Variants in TMEM87A observed in about 807,000 individuals in gnomAD.
TMEM87A encodes Golgi-pH regulating cation channel.
Under a neutral mutation model 90.0 loss-of-function variants are expected in TMEM87A, and 50 were observed. The ratio of observed to expected loss-of-function variants is 0.56; its 90% confidence interval spans 0.44 to 0.70. The LOEUF (loss-of-function observed/expected upper bound fraction) is 0.70. TMEM87A is among the 30% of genes least tolerant of loss of function. The pLI is 0.00. For synonymous variants in TMEM87A, 226 were observed against 226.7 expected (o/e 1.00, Z 0.03); for missense variants, 577 against 660.5 (o/e 0.87, Z 1.39).
intron 15 of TMEM87A, among the ~76,000 whole-genome samples, chr15:42,224,137 A>T (rs2050546672): frequency 6.6e-6 from 1 of 152,182 alleles, no homozygotes; most frequent in African/African-American, 2.4e-5. Flanking sequence ...GTGTAACAGT[A>T]TGGTTTATGA....
chr15:42,239,748 C>G lies in TMEM87A; in HGVS notation c.623-17G>C. 1 of 1,609,316 alleles carries G rather than the reference C, an allele frequency of 6.2e-7. No individual in the cohort carries two copies. Among genetic ancestry groups the G allele is most frequent in the South Asian group, 1.1e-5 (1 of 90,954 alleles). On this transcript the variant is annotated splice_polypyrimidine_tract_variant and intron_variant, in intron 7 of 19. Coordinates refer to ENST00000389834, the MANE Select transcript of TMEM87A (RefSeq NM_015497.5). ...CAACAGTCACTGCCAAAACAGAGTC[C>G]TCAGAATTAATTTACAGGATGCAGA... is the stretch of plus-strand genomic sequence containing the variant.
chr15:42,228,673 G>A, intron 13 of TMEM87A, 39 bp downstream of exon 13: 6 of 1,546,980 alleles, frequency 3.9e-6, no homozygotes, highest in Non-Finnish European at 5.4e-6. Flanking sequence ...ATTCTAAACA[G>A]ATCACATTTG....
In TMEM87A at chr15:42,220,265, A is replaced by G. The variant is rs564466509; in HGVS notation, c.1404-130T>C. ...TTCATTAAATCAGTTTAATAATAAT[A>G]TTTCTTCCCCTTCAGAAAGCTCTTT... On this transcript the variant is annotated intron_variant, in intron 15 of 19. Transcript: ENST00000389834. 2.1e-5 allele frequency: 14 copies of G among 662,914 alleles called. No homozygotes were observed. In the African/African-American group the frequency reaches 2.6e-4, roughly 12 times the overall value. The allele number at this position is 662,914 out of a possible 1,614,324, so 41.1% of individuals were successfully genotyped here. A position where few individuals can be genotyped will look rare whatever the true frequency, so the allele number is the denominator to read the frequency against.
At chr15:42,242,968 A>C (rs946181560) in intron 7 of TMEM87A, among the ~76,000 whole-genome samples, 2 of 152,136 alleles carry the variant, frequency 1.3e-5, no homozygotes, top group African/African-American at 4.8e-5. Flanking sequence ...TCTGCTTAAG[A>C]AAGCAGGGTA....
intron 11 of TMEM87A, among the ~76,000 whole-genome samples, chr15:42,231,492 C>T (rs1221457364): frequency 2.0e-5 from 3 of 152,278 alleles, no homozygotes; most frequent in East Asian, 3.9e-4. Context: ...TCGAAACATA[C>T]TGCTAAGTAC....
intron 7 of TMEM87A, 109 bp from the exon 8 acceptor site, chr15:42,239,840 C>A (rs2050838411): frequency 1.1e-6 from 1 of 892,708 alleles, no homozygotes; most frequent in African/African-American, 1.6e-5. Context: ...GGGTCATTTA[C>A]TTTTAGGCAC....
chr15:42,233,417 T>C, intron 10 of TMEM87A, 111 bp from the exon 11 acceptor site: 1 of 719,562 alleles, frequency 1.4e-6, no homozygotes, highest in South Asian at 1.9e-5. Flanking sequence ...AAGCAATAAA[T>C]AATATACACT....
chr15:42,241,961 G>A (rs2050877917), intron 7 of TMEM87A, among the ~76,000 whole-genome samples: 1 of 151,622 alleles, frequency 6.6e-6, no homozygotes, highest in African/African-American at 2.4e-5. Flanking sequence ...CAGCTACTTG[G>A]GAGGCTGAGG....
intron 2 of TMEM87A, among the ~76,000 whole-genome samples, chr15:42,268,622 G>C (rs8038978): frequency 0.94 from 143,107 of 152,084 alleles, 67,874 homozygotes; most frequent in Non-Finnish European, 1. Flanking sequence ...AGCCATGATG[G>C]TACCACTGCA....
At chr15:42,265,845 G>A (rs1167594143) in intron 3 of TMEM87A, among the ~76,000 whole-genome samples, 1 of 152,048 alleles carries the variant, frequency 6.6e-6, no homozygotes, top group Non-Finnish European at 1.5e-5. Context: ...TTATAGTTTT[G>A]GGTTTTACAT....
intron 6 of TMEM87A, among the ~76,000 whole-genome samples, chr15:42,252,318 G>A (rs963679138): frequency 4.5e-4 from 69 of 152,278 alleles, no homozygotes; most frequent in African/African-American, 1.4e-3. Context: ...GAAATCACCC[G>A]TCTTCTGTGT....
chr15:42,240,788 T>C (rs1002166319), intron 7 of TMEM87A, among the ~76,000 whole-genome samples: 7 of 152,170 alleles, frequency 4.6e-5, no homozygotes, highest in Non-Finnish European at 1.0e-4. Flanking sequence ...TAAAGTAAAC[T>C]ACATCCAATA....
intron 6 of TMEM87A, among the ~76,000 whole-genome samples, chr15:42,259,406 G>T (rs1206567808): frequency 1.3e-5 from 2 of 152,152 alleles, no homozygotes; most frequent in Non-Finnish European, 2.9e-5. Flanking sequence ...ACATTTGGAG[G>T]TCCCTAAAAG....
chr15:42,233,372 G>A (rs909401005), intron 10 of TMEM87A, 66 bp from the exon 11 acceptor site: 70 of 1,221,956 alleles, frequency 5.7e-5, no homozygotes, highest in Middle Eastern at 3.8e-4. Flanking sequence ...CTAAGTAACA[G>A]GAACTTGTGT....
chr15:42,218,424 T>C lies in TMEM87A; in HGVS notation c.1540-46A>G, dbSNP rs779485393. ...CTCATTACTAAAATGCACCACATAA[T>C]ACATCTCAAGTAAGGACATGAAGGT... is the stretch of plus-strand genomic sequence containing the variant. On this transcript the variant is annotated intron_variant, in intron 17 of 19. Transcript: ENST00000389834. 9.5e-6 allele frequency: 15 copies of C among 1,582,214 alleles called. No individual in the cohort carries two copies. In the Admixed American group the frequency reaches 2.4e-4, roughly 25 times the overall value.
At chr15:42,238,191 T>C (rs1473794924) in intron 8 of TMEM87A, among the ~76,000 whole-genome samples, 1 of 152,094 alleles carries the variant, frequency 6.6e-6, no homozygotes, top group African/African-American at 2.4e-5. Flanking sequence ...AATAGTGCTT[T>C]GGGAAGCCGA....
intron 6 of TMEM87A, among the ~76,000 whole-genome samples, chr15:42,259,909 G>A (rs943933596): frequency 6.6e-6 from 1 of 152,220 alleles, no homozygotes; most frequent in African/African-American, 2.4e-5. Context: ...GGCAAGTACA[G>A]AGAAAGAAAA....
At chr15:42,255,870 A>G (rs2051170209) in intron 6 of TMEM87A, among the ~76,000 whole-genome samples, 1 of 151,750 alleles carries the variant, frequency 6.6e-6, no homozygotes. Flanking sequence ...CCTGGGTTCA[A>G]GGGATCCTCC....
intron 11 of TMEM87A, among the ~76,000 whole-genome samples, chr15:42,231,587 A>G (rs1324904214): frequency 6.6e-6 from 1 of 152,160 alleles, no homozygotes; most frequent in African/African-American, 2.4e-5. Flanking sequence ...TCCTTAATCT[A>G]TCATTTCCTA....
Sources: allele counts gnomAD v4.1 joint callset (sites outside exome capture counted in the v4.1 genomes callset), GRCh38; gene constraint gnomAD v4.1.1; transcripts MANE v1.5; gene names NCBI Gene and HGNC (gene_info 2026-07-23, HGNC 2026-07-21).